SPTLC3: variants seen among roughly 807,000 people sequenced by gnomAD.
SPTLC3 encodes the protein serine palmitoyltransferase long chain base subunit 3.
SPTLC3 carries 36 observed loss-of-function variants against 59.3 expected under a neutral mutation model. The observed-to-expected ratio is 0.61, with a 90% CI of 0.47 to 0.80. The LOEUF (loss-of-function observed/expected upper bound fraction) is 0.80, where lower values mean the gene tolerates loss of function less well. Ranked by LOEUF, SPTLC3 falls within the 30% of genes least tolerant of loss-of-function variation. SPTLC3 has a pLI of 0.00. For missense variants in SPTLC3, 625 were observed against 685.1 expected (o/e 0.91, Z 0.98); for synonymous variants, 257 against 240.8 (o/e 1.07, Z -0.62).
intron 1 of SPTLC3, among the ~76,000 whole-genome samples, chr20:13,029,305 C>T (rs1346047659): frequency 6.6e-6 from 1 of 152,194 alleles, no homozygotes. Context: ...TTGAATTAAA[C>T]AAGTCACAGA....
At chr20:13,153,413 C>T (rs892349445) in intron 9 of SPTLC3, among the ~76,000 whole-genome samples, 1 of 152,082 alleles carries the variant, frequency 6.6e-6, no homozygotes, top group African/African-American at 2.4e-5. Context: ...AGCAGGGGTC[C>T]CCCTCTTTCC....
intron 2 of SPTLC3, among the ~76,000 whole-genome samples, chr20:13,055,293 A>G: frequency 6.6e-6 from 1 of 151,926 alleles, no homozygotes; most frequent in African/African-American, 2.4e-5. Flanking sequence ...ACAACTCAGC[A>G]TGCTTCCAGA....
At chr20:13,096,073 G>A (rs139446248) in intron 6 of SPTLC3, among the ~76,000 whole-genome samples, 56 of 152,120 alleles carry the variant, frequency 3.7e-4, no homozygotes, top group African/African-American at 1.2e-3. Flanking sequence ...CTTTGGCTAC[G>A]GTGCTTTCTC....
In SPTLC3 at chr20:13,167,247, G is replaced by T. The variant is rs2038995895; in HGVS notation, c.*2380G>T. The T allele has an allele frequency of 6.9e-6, 1 of 145,718 alleles. No homozygotes were observed. Among genetic ancestry groups the T allele is most frequent in the Non-Finnish European group, 1.5e-5 (1 of 67,598 alleles). The allele number at this position is 145,718 out of a possible 1,614,324, so 9.0% of individuals were successfully genotyped here. ...TCAAATGCTAGGCTAATAAGTTCAT[G>T]ATTTTAATTCATGATTTTAATTCAT... On this transcript the variant is annotated 3_prime_UTR_variant, in exon 12 of 12. Transcript: ENST00000399002.
At chr20:13,158,036 G>A (rs2038814240) in intron 10 of SPTLC3, among the ~76,000 whole-genome samples, 1 of 152,144 alleles carries the variant, frequency 6.6e-6, no homozygotes, top group African/African-American at 2.4e-5. Context: ...GTGCAATGTG[G>A]TTTTACCCAT....
At chr20:13,009,927 C>T (rs565112415) in intron 1 of SPTLC3, among the ~76,000 whole-genome samples, 2 of 152,118 alleles carry the variant, frequency 1.3e-5, no homozygotes, top group Admixed American at 6.5e-5. Context: ...TGAAATGTGA[C>T]GTCACAGACA....
At chr20:13,086,254 C>A (rs1226639464) in intron 4 of SPTLC3, among the ~76,000 whole-genome samples, 1 of 152,168 alleles carries the variant, frequency 6.6e-6, no homozygotes, top group African/African-American at 2.4e-5. Context: ...TTGTAGAAAG[C>A]AAAGCTTCTA....
intron 4 of SPTLC3, among the ~76,000 whole-genome samples, chr20:13,082,505 A>G (rs937070256): frequency 1.3e-5 from 2 of 152,218 alleles, no homozygotes; most frequent in Non-Finnish European, 2.9e-5. Flanking sequence ...TATGAAGTTC[A>G]AATTTCAGTG....
rs73085879 is a variant in SPTLC3, at chr20:13,124,482, G to A, written c.1153-2109G>A. Among the ~76,000 whole-genome samples the A allele has an allele frequency of 5.3e-4, 81 of 151,596 alleles. 1 individual carries two copies. Among genetic ancestry groups the A allele is most frequent in the Admixed American group, 1.4e-3 (21 of 15,196 alleles). On this transcript the variant is annotated intron_variant, in intron 8 of 11. Transcript: ENST00000399002. Reference sequence around the variant, plus strand: ...GTAGAAGGGAAGGGGAAGGAAGGAAGCTAGAAGGAAAGGAAGAAACAAAAA... The same window carrying A: ...GTAGAAGGGAAGGGGAAGGAAGGAAACTAGAAGGAAAGGAAGAAACAAAAA...
intron 6 of SPTLC3, among the ~76,000 whole-genome samples, chr20:13,098,901 T>C (rs1383867969): frequency 6.6e-6 from 1 of 152,074 alleles, no homozygotes; most frequent in African/African-American, 2.4e-5. Flanking sequence ...CCCAACTAAT[T>C]GAGAATTGGG....
rs768734475 is a variant in SPTLC3, at chr20:13,166,462, T to C, written c.*1595T>C. On this transcript the variant is annotated 3_prime_UTR_variant, in exon 12 of 12. Coordinates refer to ENST00000399002, the MANE Select transcript of SPTLC3 (RefSeq NM_018327.4). The stretch of plus-strand genomic sequence containing the variant: ...GTTTACAAGTTGTAAGGAATACCGT[T>C]AGTGAAAGAGGAAAAGAAGTGGGTT... The C allele has an allele frequency of 3.3e-5, 5 of 152,222 alleles. No individual in the cohort carries two copies. Among genetic ancestry groups the C allele is most frequent in the Non-Finnish European group, 7.4e-5 (5 of 68,026 alleles). The allele number at this position is 152,222 out of a possible 1,614,324, so 9.4% of individuals were successfully genotyped here. A position where few individuals can be genotyped will look rare whatever the true frequency, so the allele number is the denominator to read the frequency against.
chr20:13,021,768 C>T (rs865939585), intron 1 of SPTLC3, among the ~76,000 whole-genome samples: 22 of 152,232 alleles, frequency 1.4e-4, no homozygotes, highest in African/African-American at 4.1e-4. Context: ...ACCAAACTAA[C>T]GAGCAGCACC....
chr20:13,075,338 G>C (rs895035680), intron 4 of SPTLC3, among the ~76,000 whole-genome samples: 6 of 152,174 alleles, frequency 3.9e-5, no homozygotes, highest in Admixed American at 3.9e-4. Context: ...AGTTAGGTCT[G>C]CCTAAGAATT....
intron 1 of SPTLC3, among the ~76,000 whole-genome samples, chr20:13,048,680 C>T (rs532577687): frequency 1.3e-5 from 2 of 152,172 alleles, no homozygotes; most frequent in Admixed American, 1.3e-4. Context: ...ACTTTAGCAA[C>T]TTGCAAACAC....
chr20:13,122,411 G>A (rs2037887743), intron 8 of SPTLC3, among the ~76,000 whole-genome samples: 1 of 152,188 alleles, frequency 6.6e-6, no homozygotes. Flanking sequence ...AAGGAGAGTG[G>A]AATTGGGGTC....
rs1600333650 is a variant in SPTLC3 at position 13,126,861 on chromosome 20, C to T, written c.1279+144C>T. 14 of 1,161,650 alleles carry T rather than the reference C, an allele frequency of 1.2e-5. No individual in the cohort carries two copies. The East Asian group carries it at 1.3e-4, about 10-fold the overall frequency. 72.0% of individuals were successfully genotyped at this position (1,161,650 alleles called of 1,614,324 possible). On this transcript the variant is annotated intron_variant, in intron 9 of 11. Coordinates refer to ENST00000399002, the MANE Select transcript of SPTLC3 (RefSeq NM_018327.4). Reference sequence around the variant, plus strand: ...CCATGTGATAAATGCACAAAACTGCCGTTAGCACACCATACAAAAACCCTT... The same window carrying T: ...CCATGTGATAAATGCACAAAACTGCTGTTAGCACACCATACAAAAACCCTT...
chr20:13,111,168 T>C (rs1263102812), intron 7 of SPTLC3, among the ~76,000 whole-genome samples: 1 of 152,170 alleles, frequency 6.6e-6, no homozygotes, highest in African/African-American at 2.4e-5. Context: ...TCTGCCCCCA[T>C]GGTTAGGGTT....
chr20:13,143,685 G>C (rs1201483063), intron 9 of SPTLC3, among the ~76,000 whole-genome samples: 1 of 152,162 alleles, frequency 6.6e-6, no homozygotes, highest in East Asian at 1.9e-4. Flanking sequence ...CCCTAGCAAA[G>C]CTCTGGAAAC....
At chr20:13,024,256 T>C (rs1419582293) in intron 1 of SPTLC3, among the ~76,000 whole-genome samples, 2 of 152,176 alleles carry the variant, frequency 1.3e-5, no homozygotes, top group Non-Finnish European at 2.9e-5. Context: ...TTTTTATCAT[T>C]AGATGAAATG....
Sources: gnomAD v4.1 joint callset for allele counts (sites outside exome capture counted in the v4.1 genomes callset) on GRCh38, gnomAD v4.1.1 for gene constraint, MANE v1.5 for transcripts, NCBI Gene and HGNC (gene_info 2026-07-23, HGNC 2026-07-21) for gene names.